The following PHKA1 variants were observed in gnomAD, a reference collection of about 807,000 sequenced individuals.
PHKA1 encodes the protein phosphorylase kinase regulatory subunit alpha 1, also known as phosphorylase b kinase regulatory subunit alpha, skeletal muscle isoform.
PHKA1 carries 60 observed loss-of-function variants against 110.2 expected under a neutral mutation model. The ratio of observed to expected loss-of-function variants is 0.54; its 90% confidence interval spans 0.44 to 0.68. The LOEUF (loss-of-function observed/expected upper bound fraction) is 0.68. Among genes scored for constraint, PHKA1 ranks in the 30% least tolerant of loss-of-function variants. The pLI is 0.00. For missense variants in PHKA1, 801 were observed against 942.5 expected, an observed-to-expected ratio of 0.85 and a Z score of 1.97; for synonymous variants, 316 against 333.6, an observed-to-expected ratio of 0.95 and a Z score of 0.58.
At chrX:72,678,922 A>G (rs2053810903) in intron 5 of PHKA1, among the ~76,000 whole-genome samples, 1 of 111,939 alleles carries the variant, frequency 8.9e-6, no homozygotes, top group Non-Finnish European at 1.9e-5. Context: ...GAGTTGAGGA[A>G]ATGGCGCTAA....
intron 23 of PHKA1, among the ~76,000 whole-genome samples, chrX:72,607,345 T>C (rs781961400): frequency 1.8e-5 from 2 of 112,010 alleles, no homozygotes; most frequent in African/African-American, 6.5e-5. Flanking sequence ...ACCAACAATA[T>C]ATGAGGGTTC....
At chrX:72,670,989 G>A (rs1177709787) in intron 6 of PHKA1, among the ~76,000 whole-genome samples, 1 of 111,497 alleles carries the variant, frequency 9.0e-6, no homozygotes, top group African/African-American at 3.3e-5. Context: ...ATACTGAATG[G>A]GCAAAAACAG....
intron 16 of PHKA1, among the ~76,000 whole-genome samples, chrX:72,632,391 T>G (rs2053177345): frequency 8.9e-6 from 1 of 111,958 alleles, no homozygotes; most frequent in South Asian, 3.7e-4. Flanking sequence ...GGTGTACTAT[T>G]TATCAATATA....
At chrX:72,617,185 C>T (rs2052910249) in intron 21 of PHKA1, among the ~76,000 whole-genome samples, 1 of 109,378 alleles carries the variant, frequency 9.1e-6, no homozygotes, top group Non-Finnish European at 1.9e-5. Context: ...ACTAAAAAAG[C>T]AATACAAATG....
At chrX:72,666,073 C>A in intron 8 of PHKA1, 78 bp downstream of exon 8, 1 of 956,093 alleles carries the variant, frequency 1.0e-6, no homozygotes, top group South Asian at 2.0e-5. Context: ...AGACACAGGT[C>A]ATACTTAAGG....
intron 6 of PHKA1, 68 bp from the exon 7 acceptor site, chrX:72,667,541 C>G: frequency 1.3e-6 from 1 of 785,142 alleles, no homozygotes; most frequent in East Asian, 3.3e-5. Flanking sequence ...CTCCCTATAT[C>G]CCAGTATCTT....
chrX:72,605,319 T>C lies in PHKA1; in HGVS notation c.2767A>G (p.Ile923Val). 8.3e-7 allele frequency: 1 copy of C among 1,204,758 alleles called. No individual in the cohort carries two copies. Among genetic ancestry groups the C allele is most frequent in the Non-Finnish European group, 1.1e-6 (1 of 889,222 alleles). Residue 923 changes from isoleucine (I) to valine (V), a missense_variant, in exon 25 of 32, where the codon ATC becomes GTC. This residue lies in a region of PHKA1 where 502 missense variants were observed against 519.2 expected (regional missense o/e 0.97). Transcript: ENST00000373542. ...AGTTCTGTTGCCATAACTTGTATGA[T>C]CAGACCAATTCGAAGTCGAAACATT... ...AEMFRLRIGL[I>V]IQVMATELAH...
chrX:72,590,856 A>C (rs1368352419), intron 29 of PHKA1, among the ~76,000 whole-genome samples: 1 of 112,402 alleles, frequency 8.9e-6, no homozygotes, highest in Non-Finnish European at 1.9e-5. Flanking sequence ...TCAAAACCAC[A>C]ATGAGATACC....
rs2054172494 is a variant in PHKA1, at chrX:72,699,370, G to A, written c.286-3494C>T. Among the ~76,000 whole-genome samples, 4 of 107,744 alleles carry A rather than the reference G, an allele frequency of 3.7e-5. No homozygotes were observed. The South Asian group carries it at 1.7e-3, about 45-fold the overall frequency. 93.6% of individuals were successfully genotyped at this position (107,744 alleles called of 115,157 possible). On this transcript the variant is annotated intron_variant, in intron 3 of 31. Coordinates refer to ENST00000373542, the MANE Select transcript of PHKA1 (RefSeq NM_002637.4). ...ATACAAAAAAAAATTAGCTGGGTGT[G>A]GTGGCGTGCTTGCCTGTAGTCCCAG...
At chrX:72,612,185 T>A (rs1196176666) in intron 21 of PHKA1, among the ~76,000 whole-genome samples, 1 of 111,996 alleles carries the variant, frequency 8.9e-6, no homozygotes, top group Non-Finnish European at 1.9e-5. Flanking sequence ...CACGGATGAA[T>A]CTTGAAAATA....
At chrX:72,691,064 A>G (rs1417855461) in intron 4 of PHKA1, among the ~76,000 whole-genome samples, 2 of 113,055 alleles carry the variant, frequency 1.8e-5, no homozygotes, top group African/African-American at 6.4e-5. Context: ...CACCGCGCCC[A>G]GCCTTGAGTT....
chrX:72,699,341 A>G (rs1216159484), intron 3 of PHKA1, among the ~76,000 whole-genome samples: 1 of 107,507 alleles, frequency 9.3e-6, no homozygotes, highest in East Asian at 2.9e-4. Context: ...TGTCTCTACT[A>G]AAAATACAAA....
chrX:72,702,470 T>C (rs2054218696), intron 3 of PHKA1, among the ~76,000 whole-genome samples: 1 of 111,386 alleles, frequency 9.0e-6, no homozygotes, highest in Non-Finnish European at 1.9e-5. Context: ...AGTAACCTAT[T>C]TACATTCATA....
chrX:72,682,354 T>C (rs1156475871), intron 5 of PHKA1, among the ~76,000 whole-genome samples: 1,471 of 48,321 alleles, frequency 0.03, no homozygotes, highest in Middle Eastern at 0.092. Context: ...GTCAGCCCCC[T>C]GCCCGGCCAG....
At chrX:72,639,482 G>A (rs1407071838) in intron 14 of PHKA1, among the ~76,000 whole-genome samples, 1 of 111,441 alleles carries the variant, frequency 9.0e-6, no homozygotes, top group African/African-American at 3.3e-5. Flanking sequence ...GTTGCAGTGA[G>A]CCGAGATCGC....
intron 4 of PHKA1, among the ~76,000 whole-genome samples, chrX:72,693,786 G>A (rs1186812566): frequency 1.8e-5 from 2 of 111,342 alleles, no homozygotes; most frequent in Middle Eastern, 4.6e-3. Context: ...CCCTAAACTG[G>A]GAACTAGCTG....
chrX:72,611,244 T>C, intron 21 of PHKA1, 60 bp from the exon 22 acceptor site: 2 of 951,532 alleles, frequency 2.1e-6, no homozygotes, highest in Admixed American at 2.2e-5. Context: ...AATCATCTTT[T>C]CTTTCAGTGT....
At chrX:72,594,594 T>C (rs1490351521) in intron 28 of PHKA1, among the ~76,000 whole-genome samples, 3 of 112,676 alleles carry the variant, frequency 2.7e-5, no homozygotes, top group African/African-American at 9.6e-5. Context: ...AACATCTTAA[T>C]AGAACTATTA....
rs782752656 is a variant in PHKA1 at position 72,592,192 on chromosome X, T to C, written c.3243+912A>G. On this transcript the variant is annotated intron_variant, in intron 29 of 31. Transcript: ENST00000373542. Reference sequence around the variant, plus strand: ...AATAATATTTGTCACCATTGTGCTATAGAAGTTAGCTGCAAAAAAAGCAAG... The same window carrying C: ...AATAATATTTGTCACCATTGTGCTACAGAAGTTAGCTGCAAAAAAAGCAAG... Among the ~76,000 whole-genome samples, 93 of 112,694 alleles carry C rather than the reference T, an allele frequency of 8.3e-4. 1 individual carries two copies. The highest frequency in any genetic ancestry group is 2.2e-3 in the Admixed American group (23 of 10,668).
Sources: gnomAD v4.1 joint callset for allele counts (sites outside exome capture counted in the v4.1 genomes callset) on GRCh38, gnomAD v4.1.1 for gene constraint, gnomAD v4.1.1 regional missense constraint, MANE v1.5 for transcripts, NCBI Gene and HGNC (gene_info 2026-07-23, HGNC 2026-07-21) for gene names.